Variants in STAG1 observed in about 807,000 individuals in gnomAD.
The protein encoded by STAG1 is STAG1 cohesin complex component, also known as cohesin subunit SA-1.
STAG1 carries 26 observed loss-of-function variants against 170.9 expected under a neutral mutation model. The observed-to-expected ratio is 0.15, with a 90% CI of 0.11 to 0.21. STAG1 has a LOEUF of 0.21. Ranked by LOEUF, STAG1 falls within the 10% of genes least tolerant of loss-of-function variation. The probability of loss-of-function intolerance (pLI) is 1.00; values close to 1 mark genes in which losing one functional copy is unlikely to be tolerated. For missense variants in STAG1, 964 were observed against 1,509.5 expected (o/e 0.64, Z 5.99); for synonymous variants, 514 against 497.7 (o/e 1.03, Z -0.44).
chr3:136,506,645 C>CA (rs1248797469), intron 7 of STAG1, among the ~76,000 whole-genome samples: 1,614 of 45,902 alleles, frequency 0.035, 39 homozygotes, highest in African/African-American at 0.088. Context: ...GACTCCACCT[C>CA]AAAAAAAAAA....
At chr3:136,438,244 T>TC (rs998104909) in intron 15 of STAG1, among the ~76,000 whole-genome samples, 13 of 148,978 alleles carry the variant, frequency 8.7e-5, no homozygotes, top group East Asian at 3.9e-4. Context: ...TCTTTTCTTT[T>TC]TTTTTTTTTT....
intron 29 of STAG1, among the ~76,000 whole-genome samples, chr3:136,345,044 A>G (rs977897288): frequency 2.6e-5 from 4 of 152,162 alleles, no homozygotes; most frequent in Admixed American, 2.0e-4. Context: ...TAAGTTTTCC[A>G]GGGGCTACGA....
chr3:136,447,056 G>A (rs1201560683), intron 14 of STAG1, among the ~76,000 whole-genome samples: 5 of 148,764 alleles, frequency 3.4e-5, no homozygotes, highest in East Asian at 2.1e-4. Flanking sequence ...CACCCGCCTC[G>A]GCCTCCCAAA....
chr3:136,556,473 C>T (rs1421195091), intron 5 of STAG1, among the ~76,000 whole-genome samples: 1 of 152,174 alleles, frequency 6.6e-6, no homozygotes. Flanking sequence ...AGTCCAAAAA[C>T]TCAATAGTGT....
intron 1 of STAG1, among the ~76,000 whole-genome samples, chr3:136,722,932 G>T (rs1933384631): frequency 2.0e-5 from 3 of 152,240 alleles, no homozygotes; most frequent in African/African-American, 7.2e-5. Flanking sequence ...AACTGTGAGT[G>T]ATCCGCCAGC....
intron 1 of STAG1, among the ~76,000 whole-genome samples, chr3:136,652,921 G>A (rs2107857529): frequency 6.6e-6 from 1 of 152,170 alleles, no homozygotes; most frequent in African/African-American, 2.4e-5. Flanking sequence ...AACCAAAAAT[G>A]TCTCCACACA....
At chr3:136,652,142 C>G (rs1443216136) in intron 1 of STAG1, among the ~76,000 whole-genome samples, 1 of 152,138 alleles carries the variant, frequency 6.6e-6, no homozygotes, top group African/African-American at 2.4e-5. Context: ...AAAATTAAAA[C>G]CTTTCACATC....
At chr3:136,380,008 C>T (rs1011693966) in intron 22 of STAG1, among the ~76,000 whole-genome samples, 6 of 150,622 alleles carry the variant, frequency 4.0e-5, no homozygotes, top group African/African-American at 1.2e-4. Context: ...TCACATCTTT[C>T]GTTGAGAGCT....
At chr3:136,673,094 T>A (rs1481609610) in intron 1 of STAG1, among the ~76,000 whole-genome samples, 5 of 152,206 alleles carry the variant, frequency 3.3e-5, no homozygotes, top group Non-Finnish European at 7.3e-5. Context: ...AAAAAGGGAA[T>A]AAGAATTCGT....
chr3:136,592,865 C>G (rs1036703309), intron 4 of STAG1, among the ~76,000 whole-genome samples: 3 of 152,226 alleles, frequency 2.0e-5, no homozygotes, highest in African/African-American at 7.2e-5. Flanking sequence ...CCACTGTAGA[C>G]AGTCTTCTGA....
chr3:136,568,305 T>C (rs1481465222), intron 5 of STAG1, among the ~76,000 whole-genome samples: 1 of 152,198 alleles, frequency 6.6e-6, no homozygotes, highest in East Asian at 1.9e-4. Context: ...GTCTTACAGT[T>C]GTAAACTTAA....
intron 1 of STAG1, among the ~76,000 whole-genome samples, chr3:136,646,861 G>A (rs1242784606): frequency 6.6e-6 from 1 of 152,032 alleles, no homozygotes; most frequent in East Asian, 1.9e-4. Context: ...GCAGTGAGCC[G>A]AGATCACGCC....
At chr3:136,528,938 AAAAACAAAAC>A (rs1935218657) in intron 6 of STAG1, among the ~76,000 whole-genome samples, 1 of 151,668 alleles carries the variant, frequency 6.6e-6, no homozygotes, top group Non-Finnish European at 1.5e-5. Context: ...TGAAAAAGCA[AAAAACAAAAC>A]AAAACAAAAA....
chr3:136,607,888 C>T (rs1011052539), intron 3 of STAG1, among the ~76,000 whole-genome samples: 1 of 152,160 alleles, frequency 6.6e-6, no homozygotes, highest in Non-Finnish European at 1.5e-5. Context: ...ATTCCTTGCC[C>T]CAGTTCTAGA....
At chr3:136,710,713 C>A (rs1433846789) in intron 1 of STAG1, among the ~76,000 whole-genome samples, 2 of 151,768 alleles carry the variant, frequency 1.3e-5, no homozygotes, top group Admixed American at 1.3e-4. Flanking sequence ...AGTAAATAAA[C>A]CATTTTATTT....
In STAG1 at chr3:136,401,660, C is replaced by T. The variant is rs531104133; in HGVS notation, c.2197-2831G>A. ...TGAGATGGAGTATTGCACTGTCTCCCGGGCCTTGGATAGATCTTTTACTGC... is the reference window on the plus strand; with the variant it reads ...TGAGATGGAGTATTGCACTGTCTCCTGGGCCTTGGATAGATCTTTTACTGC... On this transcript the variant is annotated intron_variant, in intron 21 of 33. Transcript: ENST00000383202. Among the ~76,000 whole-genome samples the T allele has an allele frequency of 5.9e-5, 9 of 152,102 alleles. No individual in the cohort carries two copies. In the East Asian group the frequency reaches 7.7e-4, roughly 13 times the overall value.
chr3:136,472,570 G>T, intron 11 of STAG1, 78 bp from the exon 12 acceptor site: 1 of 986,864 alleles, frequency 1.0e-6, no homozygotes, highest in Non-Finnish European at 1.6e-6. Context: ...ATGTATTCTG[G>T]GATATATATG....
intron 4 of STAG1, among the ~76,000 whole-genome samples, chr3:136,570,118 T>C (rs932605077): frequency 1.3e-5 from 2 of 152,190 alleles, no homozygotes; most frequent in African/African-American, 2.4e-5. Context: ...CCTTAATTTT[T>C]ATAAATACAT....
intron 9 of STAG1, among the ~76,000 whole-genome samples, chr3:136,497,404 G>A (rs1054238460): frequency 1.3e-5 from 2 of 152,042 alleles, no homozygotes; most frequent in African/African-American, 2.4e-5. Flanking sequence ...GGCTTTATGC[G>A]TTCATGTTAA....
Sources: allele counts gnomAD v4.1 joint callset (sites outside exome capture counted in the v4.1 genomes callset), GRCh38; gene constraint gnomAD v4.1.1; transcripts MANE v1.5; gene names NCBI Gene and HGNC (gene_info 2026-07-23, HGNC 2026-07-21).